Variants in NSMCE2 observed in about 807,000 individuals in gnomAD.
NSMCE2 encodes E3 SUMO-protein ligase NSE2.
NSMCE2 carries 24 observed loss-of-function variants against 23.8 expected under a neutral mutation model. That is an observed-to-expected ratio of 1.01 (90% CI 0.73 to 1.42). The LOEUF (loss-of-function observed/expected upper bound fraction) is 1.42, where lower values mean the gene tolerates loss of function less well. Ranked by LOEUF, NSMCE2 falls within the 40% of genes most tolerant of loss-of-function variation. The probability of loss-of-function intolerance (pLI) is 0.00; values close to 1 mark genes in which losing one functional copy is unlikely to be tolerated. For missense variants in NSMCE2, 284 were observed against 296.5 expected (o/e 0.96, Z 0.31); for synonymous variants, 92 against 94.1 (o/e 0.98, Z 0.13).
chr8:125,110,762 GTTTTTTTTTTTT>G (rs1017002301), intron 3 of NSMCE2, among the ~76,000 whole-genome samples: 3 of 41,826 alleles, frequency 7.2e-5, no homozygotes, highest in African/African-American at 2.1e-4. Flanking sequence ...GGTTGTTGTT[GTTTTTTTTTTTT>G]TTTTTTTTTT....
intron 5 of NSMCE2, among the ~76,000 whole-genome samples, chr8:125,281,446 A>ATT (rs564149517): frequency 2.2e-3 from 332 of 150,486 alleles, no homozygotes; most frequent in African/African-American, 7.6e-3. Flanking sequence ...CGAGAGGGTG[A>ATT]TTTTTTTTTT....
chr8:125,302,296 A>G (rs1056125318), intron 5 of NSMCE2, among the ~76,000 whole-genome samples: 1 of 152,268 alleles, frequency 6.6e-6, no homozygotes, highest in Non-Finnish European at 1.5e-5. Flanking sequence ...GATGTCTCCT[A>G]TGTGCTAGGC....
At chr8:125,278,215 A>C (rs1827551889) in intron 5 of NSMCE2, among the ~76,000 whole-genome samples, 1 of 152,192 alleles carries the variant, frequency 6.6e-6, no homozygotes, top group Non-Finnish European at 1.5e-5. Context: ...AAAAAGAAAA[A>C]GGAGTTAAGG....
At chr8:125,335,159 G>A (rs73704933) in intron 5 of NSMCE2, among the ~76,000 whole-genome samples, 5,058 of 152,172 alleles carry the variant, frequency 0.033, 253 homozygotes, top group African/African-American at 0.11. Context: ...TGAGAAGGAA[G>A]CCACCCACTC....
At chr8:125,138,470 C>G (rs1392614558) in intron 3 of NSMCE2, among the ~76,000 whole-genome samples, 2 of 152,102 alleles carry the variant, frequency 1.3e-5, no homozygotes, top group African/African-American at 4.8e-5. Flanking sequence ...AAGTGATCCT[C>G]CTGCCTTGGC....
chr8:125,140,465 C>T (rs538950155), intron 3 of NSMCE2, among the ~76,000 whole-genome samples: 36 of 152,214 alleles, frequency 2.4e-4, no homozygotes, highest in East Asian at 1.5e-3. Flanking sequence ...GAGTTTGAGA[C>T]CAGCCTGGCC....
intron 5 of NSMCE2, among the ~76,000 whole-genome samples, chr8:125,333,999 C>T (rs575539652): frequency 1.6e-3 from 244 of 152,230 alleles, no homozygotes; most frequent in African/African-American, 5.7e-3. Context: ...TCCACTACTC[C>T]TTCATGCTCC....
intron 3 of NSMCE2, among the ~76,000 whole-genome samples, chr8:125,110,890 G>C (rs915017858): frequency 2.0e-5 from 3 of 151,406 alleles, no homozygotes; most frequent in African/African-American, 7.3e-5. Context: ...TGGGGGGAAG[G>C]AGCTGGGACC....
intron 5 of NSMCE2, among the ~76,000 whole-genome samples, chr8:125,265,270 G>T (rs1826864440): frequency 6.6e-6 from 1 of 150,620 alleles, no homozygotes; most frequent in Admixed American, 6.6e-5. Context: ...TGCCCAGGCT[G>T]GAGTACAACG....
rs192223678 is a variant in NSMCE2, at chr8:125,320,493, G to A, written c.419-36726G>A. Reference sequence around the variant, plus strand: ...AAAGGGAAAACAGCAACCAAAGGGGGAAAAGAAACATTATGTATAAAATAA... The same window carrying A: ...AAAGGGAAAACAGCAACCAAAGGGGAAAAAGAAACATTATGTATAAAATAA... On this transcript the variant is annotated intron_variant, in intron 5 of 7. Coordinates refer to ENST00000287437, the MANE Select transcript of NSMCE2 (RefSeq NM_173685.4). 9.6e-3 allele frequency among the ~76,000 whole-genome samples: 1,462 copies of A among 152,084 alleles called. 34 individuals carry two copies. The highest frequency in any genetic ancestry group is 0.046 in the Admixed American group (700 of 15,274).
chr8:125,209,978 A>G (rs1468426882), intron 5 of NSMCE2, among the ~76,000 whole-genome samples: 1 of 152,204 alleles, frequency 6.6e-6, no homozygotes, highest in Non-Finnish European at 1.5e-5. Flanking sequence ...ATGTTAGGTG[A>G]TACTATTGTT....
intron 5 of NSMCE2, among the ~76,000 whole-genome samples, chr8:125,336,817 A>G (rs1274934575): frequency 6.6e-6 from 1 of 152,246 alleles, no homozygotes; most frequent in East Asian, 1.9e-4. Context: ...TTCAGATTAT[A>G]GTTCCAAGAA....
chr8:125,235,499 A>C (rs968460808), intron 5 of NSMCE2, among the ~76,000 whole-genome samples: 4 of 152,210 alleles, frequency 2.6e-5, no homozygotes, highest in Non-Finnish European at 5.9e-5. Flanking sequence ...CATAAGCAAG[A>C]ATATGCATAG....
intron 5 of NSMCE2, among the ~76,000 whole-genome samples, chr8:125,294,446 G>A (rs989621129): frequency 2.6e-5 from 4 of 152,090 alleles, no homozygotes; most frequent in African/African-American, 9.7e-5. Flanking sequence ...CAATTGCTCC[G>A]CGTCCTCACC....
chr8:125,296,392 A>AT (rs11410793), intron 5 of NSMCE2, among the ~76,000 whole-genome samples: 100,568 of 125,738 alleles, frequency 0.8, 40,781 homozygotes, highest in Middle Eastern at 0.85. Flanking sequence ...TGCCATGGTC[A>AT]TTTTTTTTTT....
intron 5 of NSMCE2, among the ~76,000 whole-genome samples, chr8:125,216,417 A>T (rs1403942294): frequency 6.6e-6 from 1 of 152,156 alleles, no homozygotes; most frequent in East Asian, 1.9e-4. Flanking sequence ...AGGCAGGCAG[A>T]TTACCTGAGG....
rs952712670 is a variant in NSMCE2, at chr8:125,182,217, G to T, written c.379G>T (p.Val127Leu). 1 of 1,608,664 alleles carries T rather than the reference G, an allele frequency of 6.2e-7. No homozygotes were observed. Among genetic ancestry groups the T allele is most frequent in the South Asian group, 1.1e-5 (1 of 89,714 alleles). ...AGACTTTCAAAATAATGAAAAATTT[G>T]TACAGTTTAAACAACAGCTGAAAGA... is the stretch of plus-strand genomic sequence containing the variant. ...DADFQNNEKF[V>L]QFKQQLKELK... Residue 127 changes from valine to leucine, a missense_variant, in exon 5 of 8, where the codon GTA becomes TTA. Physicochemically the swap from Val to Leu is conservative, Grantham distance 32. Transcript: ENST00000287437.
At position 125,193,377 on chromosome 8, in the gene NSMCE2, A is replaced by G. The variant is rs147443718; in HGVS notation, c.418+11121A>G. Among the ~76,000 whole-genome samples, 170 of 152,342 alleles carry G rather than the reference A, an allele frequency of 1.1e-3. 1 individual carries two copies. The East Asian group carries it at 0.031, about 28-fold the overall frequency. On this transcript the variant is annotated intron_variant, in intron 5 of 7. Transcript: ENST00000287437. ...TGGAACTAATAATAAGAGACAACAC[A>G]CTTCTGTTTAAAAATTAGCAAAGGT... is the stretch of plus-strand genomic sequence containing the variant.
intron 5 of NSMCE2, among the ~76,000 whole-genome samples, chr8:125,263,621 G>C (rs1016547321): frequency 1.3e-5 from 2 of 152,160 alleles, no homozygotes; most frequent in East Asian, 3.9e-4. Flanking sequence ...ATGGTAGCAC[G>C]CGCCTATAAT....
Sources: allele counts gnomAD v4.1 joint callset (sites outside exome capture counted in the v4.1 genomes callset), GRCh38; gene constraint gnomAD v4.1.1; transcripts MANE v1.5; gene names NCBI Gene and HGNC (gene_info 2026-07-23, HGNC 2026-07-21).